CNTNAP5: variants seen among roughly 807,000 people sequenced by gnomAD.
The protein encoded by CNTNAP5 is contactin associated protein family member 5.
A neutral mutation model predicts 150.2 loss-of-function variants in CNTNAP5; 72 were observed. The ratio of observed to expected loss-of-function variants is 0.48; its 90% CI spans 0.40 to 0.58. CNTNAP5 has a LOEUF of 0.58. Among genes scored for constraint, CNTNAP5 ranks in the 20% least tolerant of loss-of-function variants. The pLI, the probability that CNTNAP5 is intolerant of heterozygous loss-of-function variation, is 0.00. For synonymous variants in CNTNAP5, 672 were observed against 619.8 expected, an observed-to-expected ratio of 1.08 and a Z score of -1.25; for missense variants, 1,636 against 1,626.2, an observed-to-expected ratio of 1.01 and a Z score of -0.10.
At chr2:124,756,297 A>G (rs1680838677) in intron 14 of CNTNAP5, among the ~76,000 whole-genome samples, 2 of 152,348 alleles carry the variant, frequency 1.3e-5, no homozygotes, top group Middle Eastern at 3.4e-3. Flanking sequence ...AGAAATAGGA[A>G]CACGTTTACA....
chr2:124,914,198 G>C lies in CNTNAP5; in HGVS notation c.3834G>C (p.Lys1278Asn), dbSNP rs773483783. ...ATCGTACGAGCCAGATGAAGGAGAA[G>C]GAATATCCAGAAAATTTGGACAGTT... ...QSHRTSQMKE[K>N]EYPENLDSSF... is the part of the protein sequence containing the mutation. The change falls in exon 24 of 24, where the codon AAG becomes AAC. Residue 1278 changes from lysine to asparagine, a missense_variant. Lys to Asn is a moderately conservative substitution (Grantham distance 94). Coordinates refer to ENST00000682447, the MANE Select transcript of CNTNAP5 (RefSeq NM_001367498.1). The C allele has an allele frequency of 2.5e-6, 4 of 1,612,418 alleles. No individual in the cohort carries two copies.
At chr2:124,139,936 C>A (rs923660255) in intron 1 of CNTNAP5, among the ~76,000 whole-genome samples, 1 of 152,060 alleles carries the variant, frequency 6.6e-6, no homozygotes, top group Non-Finnish European at 1.5e-5. Context: ...GTGCGCGCAC[C>A]GTGCACGAGC....
At chr2:124,234,168 TC>T (rs1312694443) in intron 2 of CNTNAP5, among the ~76,000 whole-genome samples, 1 of 152,164 alleles carries the variant, frequency 6.6e-6, no homozygotes, top group African/African-American at 2.4e-5. Flanking sequence ...TGCTGCTGAA[TC>T]TTCTATATAT....
chr2:124,121,207 C>T (rs1052511448), intron 1 of CNTNAP5, among the ~76,000 whole-genome samples: 2 of 151,858 alleles, frequency 1.3e-5, no homozygotes, highest in Non-Finnish European at 2.9e-5. Flanking sequence ...CAATTTGTGG[C>T]CTTTGCTTTG....
chr2:124,433,567 C>G (rs1041193950), intron 4 of CNTNAP5, among the ~76,000 whole-genome samples: 1 of 151,912 alleles, frequency 6.6e-6, no homozygotes, highest in Non-Finnish European at 1.5e-5. Flanking sequence ...AATCCCACCC[C>G]CTCCACATAA....
rs778612928 is a variant in CNTNAP5, at chr2:124,721,514, T to TAAATAAATAAATA, written c.2078-25706_2078-25705insAATAAAATAAATA. On this transcript the variant is annotated intron_variant, in intron 13 of 23. Transcript: ENST00000682447. ...ATAAATAAATAAATAAATAAATACA[T>TAAATAAATAAATA]AAATAAATATTAAAAAAACAAAAAA... 6.1e-3 allele frequency among the ~76,000 whole-genome samples: 903 copies of TAAATAAATAAATA among 148,732 alleles called. 21 individuals carry two copies. Among genetic ancestry groups the TAAATAAATAAATA allele is most frequent in the African/African-American group, 0.022 (856 of 39,598 alleles).
intron 12 of CNTNAP5, among the ~76,000 whole-genome samples, chr2:124,617,235 A>G (rs1677511621): frequency 6.6e-6 from 1 of 152,126 alleles, no homozygotes; most frequent in African/African-American, 2.4e-5. Context: ...CTATCTGTGA[A>G]GCACAGTAAA....
intron 6 of CNTNAP5, among the ~76,000 whole-genome samples, chr2:124,464,509 T>C (rs75812575): frequency 0.026 from 3,882 of 152,232 alleles, 74 homozygotes; most frequent in Non-Finnish European, 0.037. Flanking sequence ...AGGCATGATA[T>C]GTACTACGAG....
intron 3 of CNTNAP5, among the ~76,000 whole-genome samples, chr2:124,413,867 AACTT>A (rs2104773134): frequency 6.8e-6 from 1 of 146,586 alleles, no homozygotes; most frequent in East Asian, 2.0e-4. Context: ...TGTACCCTAA[AACTT>A]AAAGTATAAT....
chr2:124,122,088 G>GT (rs2104717215), intron 1 of CNTNAP5, among the ~76,000 whole-genome samples: 1 of 152,232 alleles, frequency 6.6e-6, no homozygotes, highest in East Asian at 1.9e-4. Context: ...ATGGGATTAC[G>GT]TGGTGGGCCA....
intron 1 of CNTNAP5, among the ~76,000 whole-genome samples, chr2:124,087,102 C>T (rs1014593149): frequency 6.6e-5 from 10 of 151,730 alleles, no homozygotes. Flanking sequence ...GCCCCTTTAT[C>T]CTTCGCCTTT....
intron 1 of CNTNAP5, among the ~76,000 whole-genome samples, chr2:124,138,702 T>C (rs1474594007): frequency 6.6e-6 from 1 of 152,146 alleles, no homozygotes; most frequent in Non-Finnish European, 1.5e-5. Flanking sequence ...AGAAAATCTA[T>C]TTAATTTGAT....
intron 6 of CNTNAP5, among the ~76,000 whole-genome samples, chr2:124,448,848 A>T (rs1304301055): frequency 6.6e-6 from 1 of 152,226 alleles, no homozygotes; most frequent in African/African-American, 2.4e-5. Flanking sequence ...TGCATATTTT[A>T]TCATTATTCA....
intron 3 of CNTNAP5, among the ~76,000 whole-genome samples, chr2:124,322,297 A>G (rs1206619293): frequency 1.3e-5 from 2 of 152,230 alleles, no homozygotes; most frequent in South Asian, 2.1e-4. Flanking sequence ...GACAGATGAC[A>G]AACAAAATTT....
chr2:124,722,010 T>G (rs1459008097), intron 13 of CNTNAP5, among the ~76,000 whole-genome samples: 1 of 152,036 alleles, frequency 6.6e-6, no homozygotes, highest in Non-Finnish European at 1.5e-5. Flanking sequence ...GATGAGGCCT[T>G]ATAAGGACAC....
intron 1 of CNTNAP5, among the ~76,000 whole-genome samples, chr2:124,173,141 G>A (rs770015297): frequency 4.6e-5 from 7 of 152,166 alleles, no homozygotes; most frequent in South Asian, 2.1e-4. Context: ...AAACATAAGT[G>A]ATAAGTGTTG....
At chr2:124,912,777 T>C (rs1678682902) in intron 23 of CNTNAP5, among the ~76,000 whole-genome samples, 2 of 152,126 alleles carry the variant, frequency 1.3e-5, no homozygotes, top group South Asian at 4.1e-4. Context: ...GGAAGTCATC[T>C]GACCCCCTAG....
At chr2:124,889,487 C>G (rs1678150242) in intron 21 of CNTNAP5, among the ~76,000 whole-genome samples, 1 of 151,934 alleles carries the variant, frequency 6.6e-6, no homozygotes, top group African/African-American at 2.4e-5. Flanking sequence ...GTCAGCTATC[C>G]CAGTGCCATT....
At chr2:124,372,688 C>A (rs1690557495) in intron 3 of CNTNAP5, among the ~76,000 whole-genome samples, 1 of 151,948 alleles carries the variant, frequency 6.6e-6, no homozygotes, top group African/African-American at 2.4e-5. Flanking sequence ...AGCCCTTAAG[C>A]TTTTTTTACT....
Sources: gnomAD v4.1 joint callset for allele counts (sites outside exome capture counted in the v4.1 genomes callset) on GRCh38, gnomAD v4.1.1 for gene constraint, MANE v1.5 for transcripts, NCBI Gene and HGNC (gene_info 2026-07-23, HGNC 2026-07-21) for gene names.